EML6: variants seen among roughly 807,000 people sequenced by gnomAD.
EML6 encodes echinoderm microtubule-associated protein-like 6.
A neutral mutation model predicts 240.1 loss-of-function variants in EML6; 154 were observed. The observed-to-expected ratio is 0.64, with a 90% CI of 0.56 to 0.73. EML6 has a LOEUF of 0.73. Among genes scored for constraint, EML6 ranks in the 30% least tolerant of loss-of-function variants. The probability of loss-of-function intolerance (pLI) is 0.00; values close to 1 mark genes in which losing one functional copy is unlikely to be tolerated. For synonymous variants in EML6, 1,148 were observed against 899.0 expected (o/e 1.28, Z -4.95); for missense variants, 2,964 against 2,474.6 (o/e 1.20, Z -4.20).
At chr2:54,915,595 T>A (rs1174570522) in intron 25 of EML6, among the ~76,000 whole-genome samples, 2 of 152,154 alleles carry the variant, frequency 1.3e-5, no homozygotes, top group Non-Finnish European at 2.9e-5. Flanking sequence ...TGTTTCCACC[T>A]CTGTGTGCCT....
Position 54,758,913 on chromosome 2 carries a change from G to GGTTCATA in EML6, c.197+33656_197+33657insTTCATAG, listed in dbSNP as rs1553372574. On this transcript the variant is annotated intron_variant, in intron 2 of 41. Transcript: ENST00000356458. Reference sequence around the variant, plus strand: ...GGGGTGCTCTGCAAACATAAAATATGGGTGGTTCATAAGTTGCCTTTTTGA... The same window carrying GGTTCATA: ...GGGGTGCTCTGCAAACATAAAATATGGTTCATAGGTGGTTCATAAGTTGCCTTTTTGA... 8.5e-3 allele frequency among the ~76,000 whole-genome samples: 1,287 copies of GGTTCATA among 151,146 alleles called. 20 individuals are homozygous for GGTTCATA. Among genetic ancestry groups the GGTTCATA allele is most frequent in the Middle Eastern group, 0.014 (4 of 294 alleles).
intron 2 of EML6, among the ~76,000 whole-genome samples, chr2:54,750,555 T>A (rs976726338): frequency 1.2e-4 from 19 of 152,216 alleles, no homozygotes; most frequent in Admixed American, 7.9e-4. Context: ...GGGACTCAGA[T>A]GACTGTCAGT....
chr2:54,946,752 C>T (rs1292370065), intron 28 of EML6, among the ~76,000 whole-genome samples: 1 of 152,196 alleles, frequency 6.6e-6, no homozygotes, highest in African/African-American at 2.4e-5. Flanking sequence ...GCAGAATCCA[C>T]AACCGCGAAG....
intron 2 of EML6, among the ~76,000 whole-genome samples, chr2:54,802,297 G>A (rs556807654): frequency 4.0e-5 from 6 of 151,530 alleles, no homozygotes; most frequent in South Asian, 2.1e-4. Flanking sequence ...AACTTACCTC[G>A]TACTTCTAAG....
rs1198601201 is a variant in EML6, at chr2:54,892,662, G to T, written c.2742+6G>T. The T allele has an allele frequency of 1.3e-6, 2 of 1,547,286 alleles. No individual in the cohort carries two copies. The highest frequency in any genetic ancestry group is 1.7e-6 in the Non-Finnish European group (2 of 1,144,090). ...CTATGTATGCACTGGATAAGGTATGGCCTGTGTATCAGCATTCATTTTCCT... is the reference window on the plus strand; with the variant it reads ...CTATGTATGCACTGGATAAGGTATGTCCTGTGTATCAGCATTCATTTTCCT... On this transcript the variant is annotated splice_donor_region_variant and intron_variant, in intron 19 of 41. Transcript: ENST00000356458.
At chr2:54,960,819 C>T (rs905021328) in intron 35 of EML6, among the ~76,000 whole-genome samples, 1 of 152,100 alleles carries the variant, frequency 6.6e-6, no homozygotes. Flanking sequence ...AAACAACTGT[C>T]GGGTTTTAAA....
intron 25 of EML6, among the ~76,000 whole-genome samples, chr2:54,916,496 C>CTTG (rs755136299): frequency 5.4e-5 from 7 of 129,082 alleles, no homozygotes; most frequent in Non-Finnish European, 1.2e-4. Flanking sequence ...ACTAAAATAC[C>CTTG]TTATTATTAT....
chr2:54,861,974 T>A (rs1331093539), intron 12 of EML6, among the ~76,000 whole-genome samples: 1 of 152,020 alleles, frequency 6.6e-6, no homozygotes, highest in Non-Finnish European at 1.5e-5. Flanking sequence ...AAGAACAAAT[T>A]GAGAACTTTA....
intron 2 of EML6, among the ~76,000 whole-genome samples, chr2:54,797,170 A>AAAAAAAC (rs1180039508): frequency 1.5e-5 from 2 of 133,324 alleles, no homozygotes; most frequent in African/African-American, 5.9e-5. Flanking sequence ...ATCTCAAAAA[A>AAAAAAAC]AAAAAAAAAA....
At chr2:54,962,149 C>G (rs1447259991) in intron 35 of EML6, among the ~76,000 whole-genome samples, 2 of 149,152 alleles carry the variant, frequency 1.3e-5, no homozygotes, top group Non-Finnish European at 3.0e-5. Flanking sequence ...GTGGTACCAT[C>G]ATCATAGCTC....
At chr2:54,945,437 A>G (rs1015496245) in intron 28 of EML6, among the ~76,000 whole-genome samples, 2 of 151,970 alleles carry the variant, frequency 1.3e-5, no homozygotes, top group African/African-American at 2.4e-5. Flanking sequence ...ACTCAAAACA[A>G]CTTCAAACTT....
chr2:54,928,470 T>C lies in EML6; in HGVS notation c.3833T>C (p.Leu1278Pro), dbSNP rs779353257. 5 of 1,549,250 alleles carry C rather than the reference T, an allele frequency of 3.2e-6. No homozygotes were observed. The highest frequency in any genetic ancestry group is 2.7e-5 in the African/African-American group (2 of 73,014). Residue 1278 changes from leucine to proline, a missense_variant, in exon 27 of 42, where the codon CTG becomes CCG. Transcript: ENST00000356458. Reference protein sequence around the residue: ...REFVGTQESKLVDSEESDTDV... With the variant: ...REFVGTQESKPVDSEESDTDV... ...TTTGTGGGGACCCAGGAGAGCAAGC[T>C]GGTGGACAGCGAGGAGTCAGACACC...
chr2:54,836,464 T>C (rs1669148887), intron 7 of EML6, among the ~76,000 whole-genome samples: 1 of 152,184 alleles, frequency 6.6e-6, no homozygotes, highest in African/African-American at 2.4e-5. Context: ...CTGCTGGAGA[T>C]TCTCAGGCAG....
intron 17 of EML6, chr2:54,882,751 G>C (rs1671888587): frequency 6.6e-6 from 1 of 150,904 alleles, no homozygotes; most frequent in Non-Finnish European, 1.5e-5. Flanking sequence ...CCAGCTACTT[G>C]GGAGGCTGAG....
intron 5 of EML6, among the ~76,000 whole-genome samples, chr2:54,820,807 A>G (rs1201226007): frequency 1.3e-5 from 2 of 152,186 alleles, no homozygotes; most frequent in Non-Finnish European, 2.9e-5. Context: ...CATTATAATG[A>G]ATATTTACAT....
rs1314035945 is a variant in EML6, at chr2:54,844,690, T to G, written c.1049+442T>G. 1.3e-4 allele frequency among the ~76,000 whole-genome samples: 20 copies of G among 152,230 alleles called. No individual in the cohort carries two copies. The South Asian group carries it at 1.4e-3, about 11-fold the overall frequency. On this transcript the variant is annotated intron_variant, in intron 8 of 41. Transcript: ENST00000356458. ...TTGTCTTTAGCACATGAATAAGCTA[T>G]TATTTCTTTTTAAAGTCTCAGATGA...
At chr2:54,967,468 G>A (rs143415246) in intron 39 of EML6, among the ~76,000 whole-genome samples, 24 of 152,324 alleles carry the variant, frequency 1.6e-4, no homozygotes, top group Admixed American at 1.1e-3. Flanking sequence ...AGCAGGATGA[G>A]AAACAATGGC....
intron 2 of EML6, among the ~76,000 whole-genome samples, chr2:54,750,560 G>A (rs1684114901): frequency 6.6e-6 from 1 of 152,194 alleles, no homozygotes; most frequent in East Asian, 1.9e-4. Flanking sequence ...TCAGATGACT[G>A]TCAGTAGTAT....
chr2:54,863,347 G>A (rs574932680), intron 12 of EML6, among the ~76,000 whole-genome samples: 1 of 152,180 alleles, frequency 6.6e-6, no homozygotes, highest in Non-Finnish European at 1.5e-5. Context: ...GTGAAACCCT[G>A]TCCCTACAAA....
Sources: allele counts gnomAD v4.1 joint callset (sites outside exome capture counted in the v4.1 genomes callset), GRCh38; gene constraint gnomAD v4.1.1; transcripts MANE v1.5; gene names NCBI Gene and HGNC (gene_info 2026-07-23, HGNC 2026-07-21).